Variants in AGBL4 observed in about 807,000 individuals in gnomAD.
AGBL4 encodes AGBL carboxypeptidase 4.
Under a neutral mutation model 66.4 loss-of-function variants are expected in AGBL4, and 58 were observed. That is an observed-to-expected ratio of 0.87 (90% confidence interval 0.71 to 1.09). AGBL4 has a LOEUF of 1.09. Among genes scored for constraint, AGBL4 ranks in the 50% least tolerant of loss-of-function variants. AGBL4 has a pLI of 0.00. For missense variants in AGBL4, 579 were observed against 631.0 expected (o/e 0.92, Z 0.88); for synonymous variants, 234 against 222.9 (o/e 1.05, Z -0.44).
At chr1:49,584,124 T>C (rs1644601105) in intron 3 of AGBL4, among the ~76,000 whole-genome samples, 1 of 152,198 alleles carries the variant, frequency 6.6e-6, no homozygotes, top group South Asian at 2.1e-4. Context: ...AATTCCCAAA[T>C]CTTACTGACT....
intron 3 of AGBL4, among the ~76,000 whole-genome samples, chr1:49,422,148 A>G (rs193294359): frequency 6.6e-6 from 1 of 152,318 alleles, no homozygotes; most frequent in East Asian, 1.9e-4. Context: ...TTTTAGACCA[A>G]TTTCAGCAAT....
At chr1:49,611,903 A>C (rs1478315673) in intron 3 of AGBL4, among the ~76,000 whole-genome samples, 3 of 152,198 alleles carry the variant, frequency 2.0e-5, no homozygotes, top group African/African-American at 7.2e-5. Flanking sequence ...AGACCATCTT[A>C]AAGTGTTGAA....
At chr1:49,153,331 C>T (rs1427354951) in intron 4 of AGBL4, among the ~76,000 whole-genome samples, 1 of 152,050 alleles carries the variant, frequency 6.6e-6, no homozygotes, top group Admixed American at 6.6e-5. Flanking sequence ...TCAACTAGTG[C>T]TGCATAAAGA....
intron 1 of AGBL4, among the ~76,000 whole-genome samples, chr1:50,020,459 TATA>T (rs1392571010): frequency 4.6e-5 from 7 of 152,114 alleles, no homozygotes; most frequent in Non-Finnish European, 8.8e-5. Flanking sequence ...AAGGTCCACA[TATA>T]ATAAGTCACA....
At chr1:48,810,985 G>C (rs1053707807) in intron 6 of AGBL4, among the ~76,000 whole-genome samples, 2 of 152,192 alleles carry the variant, frequency 1.3e-5, no homozygotes, top group Non-Finnish European at 2.9e-5. Flanking sequence ...AACAATGCTT[G>C]TAACTGATCC....
chr1:49,917,018 T>C (rs902772000), intron 1 of AGBL4, among the ~76,000 whole-genome samples: 3 of 152,230 alleles, frequency 2.0e-5, no homozygotes, highest in South Asian at 2.1e-4. Flanking sequence ...TAAAATCCTT[T>C]ACAGACAAGC....
At chr1:48,791,002 C>T (rs1294315878) in intron 6 of AGBL4, among the ~76,000 whole-genome samples, 4 of 152,278 alleles carry the variant, frequency 2.6e-5, no homozygotes, top group East Asian at 3.9e-4. Flanking sequence ...AGCAAGAAAG[C>T]CCTCACCAGA....
chr1:48,536,456 A>T (rs1048722981), intron 12 of AGBL4, among the ~76,000 whole-genome samples: 2 of 152,248 alleles, frequency 1.3e-5, no homozygotes, highest in African/African-American at 4.8e-5. Context: ...AGAAGGCATA[A>T]TCTGATACAT....
At chr1:48,638,618 G>C (rs1645705832) in intron 8 of AGBL4, among the ~76,000 whole-genome samples, 1 of 152,202 alleles carries the variant, frequency 6.6e-6, no homozygotes, top group African/African-American at 2.4e-5. Flanking sequence ...GCACATGAGG[G>C]GTAGGTGCTT....
intron 5 of AGBL4, among the ~76,000 whole-genome samples, chr1:49,031,882 G>A (rs1378741255): frequency 6.6e-6 from 1 of 152,124 alleles, no homozygotes; most frequent in Non-Finnish European, 1.5e-5. Flanking sequence ...AGTCAGAAGA[G>A]TGATAAGTCT....
chr1:50,010,151 C>CA (rs1300921942), intron 1 of AGBL4, among the ~76,000 whole-genome samples: 5 of 151,750 alleles, frequency 3.3e-5, no homozygotes, highest in South Asian at 2.1e-4. Context: ...ACTAAAAATA[C>CA]AAAAAATTAG....
intron 3 of AGBL4, among the ~76,000 whole-genome samples, chr1:49,622,307 T>C (rs1376975971): frequency 6.6e-6 from 1 of 152,194 alleles, no homozygotes; most frequent in Non-Finnish European, 1.5e-5. Context: ...CATCTTTTTA[T>C]GCCTCAGTTT....
chr1:48,784,895 A>G (rs1645375462), intron 6 of AGBL4, among the ~76,000 whole-genome samples: 1 of 152,248 alleles, frequency 6.6e-6, no homozygotes, highest in Non-Finnish European at 1.5e-5. Context: ...AATGTAAAAA[A>G]TTGTCACAAA....
At chr1:48,705,114 T>C (rs1646862054) in intron 6 of AGBL4, among the ~76,000 whole-genome samples, 1 of 152,222 alleles carries the variant, frequency 6.6e-6, no homozygotes, top group African/African-American at 2.4e-5. Flanking sequence ...AACATCATTA[T>C]GTGGCACACG....
At chr1:49,263,402 T>A (rs1570269655) in intron 3 of AGBL4, among the ~76,000 whole-genome samples, 1 of 152,004 alleles carries the variant, frequency 6.6e-6, no homozygotes, top group African/African-American at 2.4e-5. Flanking sequence ...AATGGTTTAA[T>A]ATGCAAATTT....
intron 1 of AGBL4, among the ~76,000 whole-genome samples, chr1:49,942,604 T>C (rs1445947490): frequency 2.6e-5 from 4 of 152,116 alleles, no homozygotes; most frequent in Non-Finnish European, 5.9e-5. Context: ...CTTCAATAAA[T>C]AGTGTTGGAA....
intron 3 of AGBL4, among the ~76,000 whole-genome samples, chr1:49,257,064 A>C (rs536572982): frequency 1.3e-5 from 2 of 152,306 alleles, no homozygotes; most frequent in Non-Finnish European, 2.9e-5. Flanking sequence ...AAAAGCACAG[A>C]AGCATTAATT....
At chr1:49,394,110 G>A (rs924923807) in intron 3 of AGBL4, among the ~76,000 whole-genome samples, 1 of 151,758 alleles carries the variant, frequency 6.6e-6, no homozygotes, top group Non-Finnish European at 1.5e-5. Flanking sequence ...GGGATCAAAA[G>A]TGTCACTGAC....
At chr1:48,702,404 G>A (rs1439915702) in intron 6 of AGBL4, among the ~76,000 whole-genome samples, 1 of 151,974 alleles carries the variant, frequency 6.6e-6, no homozygotes, top group Non-Finnish European at 1.5e-5. Context: ...CAATTCTCCT[G>A]CCTCAGCCTC....
Sources: gnomAD v4.1 joint callset for allele counts (sites outside exome capture counted in the v4.1 genomes callset) on GRCh38, gnomAD v4.1.1 for gene constraint, MANE v1.5 for transcripts, NCBI Gene and HGNC (gene_info 2026-07-23, HGNC 2026-07-21) for gene names.